SIAH3: variants seen among roughly 807,000 people sequenced by gnomAD.
SIAH3 encodes the protein seven in absentia homolog 3.
In SIAH3, 9 loss-of-function variants were observed where a neutral mutation model predicts 12.6. That is an observed-to-expected ratio of 0.72 (90% CI 0.43 to 1.25). SIAH3 has a LOEUF of 1.25. Among genes scored for constraint, SIAH3 ranks in the 50% most tolerant of loss-of-function variants. The pLI, the probability that SIAH3 is intolerant of heterozygous loss-of-function variation, is 0.00. For missense variants in SIAH3, 390 were observed against 365.4 expected (o/e 1.07, Z -0.55); for synonymous variants, 154 against 151.1 (o/e 1.02, Z -0.14).
At chr13:45,826,751 A>G (rs772945332) in intron 1 of SIAH3, among the ~76,000 whole-genome samples, 27 of 152,122 alleles carry the variant, frequency 1.8e-4, no homozygotes, top group Non-Finnish European at 3.8e-4. Context: ...GTTCAGAAAG[A>G]CCTAAACTCT....
intron 1 of SIAH3, among the ~76,000 whole-genome samples, chr13:45,814,121 C>T (rs1001212628): frequency 6.6e-6 from 1 of 151,640 alleles, no homozygotes; most frequent in Middle Eastern, 3.2e-3. Flanking sequence ...CACCTGTAGT[C>T]CCAGCTACTC....
At chr13:45,849,362 T>C (rs1003237575) in intron 1 of SIAH3, among the ~76,000 whole-genome samples, 2 of 152,230 alleles carry the variant, frequency 1.3e-5, no homozygotes, top group African/African-American at 2.4e-5. Flanking sequence ...TTTATGTTGC[T>C]GATTATACAA....
At chr13:45,809,209 G>A (rs1048391289) in intron 1 of SIAH3, among the ~76,000 whole-genome samples, 2 of 152,226 alleles carry the variant, frequency 1.3e-5, no homozygotes, top group Non-Finnish European at 2.9e-5. Flanking sequence ...TGGGGAGAAT[G>A]CGTGTGTTGG....
intron 1 of SIAH3, among the ~76,000 whole-genome samples, chr13:45,814,128 A>T (rs1010620558): frequency 4.7e-5 from 7 of 150,378 alleles, no homozygotes; most frequent in Non-Finnish European, 1.0e-4. Context: ...AGTCCCAGCT[A>T]CTCGGGAGGC....
intron 1 of SIAH3, among the ~76,000 whole-genome samples, chr13:45,800,438 T>C (rs7986581): frequency 0.38 from 57,413 of 152,064 alleles, 11,477 homozygotes; most frequent in African/African-American, 0.46. Flanking sequence ...CCAGATATTG[T>C]GGATGAAAAG....
intron 1 of SIAH3, among the ~76,000 whole-genome samples, chr13:45,814,258 A>AAAAAAAAAC (rs1950626477): frequency 6.6e-6 from 1 of 151,546 alleles, no homozygotes; most frequent in African/African-American, 2.4e-5. Context: ...AAAAAAAAAA[A>AAAAAAAAAC]AAATACAGTC....
At chr13:45,808,419 A>G (rs1168563281) in intron 1 of SIAH3, among the ~76,000 whole-genome samples, 1 of 152,218 alleles carries the variant, frequency 6.6e-6, no homozygotes, top group Non-Finnish European at 1.5e-5. Flanking sequence ...AACATAAAAG[A>G]AAACATCAAC....
chr13:45,799,743 G>A (rs1218787658), intron 1 of SIAH3, among the ~76,000 whole-genome samples: 2 of 152,310 alleles, frequency 1.3e-5, no homozygotes, highest in East Asian at 3.9e-4. Flanking sequence ...TTATCCCCAT[G>A]TGTATTATCT....
At chr13:45,831,497 CA>C (rs1950699131) in intron 1 of SIAH3, among the ~76,000 whole-genome samples, 1 of 152,176 alleles carries the variant, frequency 6.6e-6, no homozygotes, top group Non-Finnish European at 1.5e-5. Flanking sequence ...TGCATTCACT[CA>C]GTAGATATTT....
intron 1 of SIAH3, among the ~76,000 whole-genome samples, chr13:45,793,025 C>CAA: frequency 6.6e-6 from 1 of 152,302 alleles, no homozygotes; most frequent in Non-Finnish European, 1.5e-5. Context: ...TTTAATTACC[C>CAA]AAAGCCACAT....
At chr13:45,786,518 G>T (rs1175082585) in intron 1 of SIAH3, among the ~76,000 whole-genome samples, 1 of 152,098 alleles carries the variant, frequency 6.6e-6, no homozygotes, top group Non-Finnish European at 1.5e-5. Flanking sequence ...GAGGTCGAAA[G>T]ACTCTAATCT....
chr13:45,835,940 T>C lies in SIAH3; in HGVS notation c.135+15555A>G, dbSNP rs1950716234. Among the ~76,000 whole-genome samples, 3 of 152,244 alleles carry C rather than the reference T, an allele frequency of 2.0e-5. No individual in the cohort carries two copies. The South Asian group carries it at 6.2e-4, about 32-fold the overall frequency. On this transcript the variant is annotated intron_variant, in intron 1 of 1. Coordinates refer to ENST00000400405, the MANE Select transcript of SIAH3 (RefSeq NM_198849.3). ...TAACACGCTTAGTTTTCCCACTTTC[T>C]TGCCTTGTTCTTGCAGTTCTTAGCC...
At chr13:45,792,653 T>TTG (rs1950549846) in intron 1 of SIAH3, among the ~76,000 whole-genome samples, 2 of 151,794 alleles carry the variant, frequency 1.3e-5, no homozygotes, top group South Asian at 4.1e-4. Context: ...CCACTGTGTC[T>TTG]GGCCATGAAG....
intron 1 of SIAH3, among the ~76,000 whole-genome samples, chr13:45,804,807 C>T (rs1237353361): frequency 1.3e-5 from 2 of 151,924 alleles, no homozygotes; most frequent in Non-Finnish European, 2.9e-5. Context: ...TGATTCTATA[C>T]CTAGAAAACC....
At chr13:45,848,183 G>A (rs1045344890) in intron 1 of SIAH3, among the ~76,000 whole-genome samples, 5 of 152,248 alleles carry the variant, frequency 3.3e-5, no homozygotes, top group Non-Finnish European at 7.3e-5. Flanking sequence ...TGAGGAAGCA[G>A]AGGGCAGCTG....
chr13:45,830,297 CCTGTCAGGGGCATGCATGCTGGTGGCA>C (rs1950694211), intron 1 of SIAH3, among the ~76,000 whole-genome samples: 1 of 152,164 alleles, frequency 6.6e-6, no homozygotes, highest in Non-Finnish European at 1.5e-5. Context: ...AGCCTGGATA[CCTGTCAGGGGCATGCATGCTGGTGGCA>C]CTGTGCACTC....
intron 1 of SIAH3, among the ~76,000 whole-genome samples, chr13:45,813,060 C>T (rs1481911075): frequency 6.6e-6 from 1 of 152,224 alleles, no homozygotes; most frequent in Non-Finnish European, 1.5e-5. Context: ...ACTGTTCACA[C>T]TTAGAAGGCG....
chr13:45,783,244 A>T lies in SIAH3; in HGVS notation c.*139T>A, dbSNP rs935001716. The T allele has an allele frequency of 5.8e-6, 3 of 520,386 alleles. No homozygotes were observed. The African/African-American group carries it at 6.0e-5, about 10-fold the overall frequency. The allele number at this position is 520,386 out of a possible 1,614,324, so 32.2% of individuals were successfully genotyped here. On this transcript the variant is annotated 3_prime_UTR_variant, in exon 2 of 2. Coordinates refer to ENST00000400405, the MANE Select transcript of SIAH3 (RefSeq NM_198849.3). ...AACTAAATCTCACAAAGTACCTGAGACAAAAAAATAATAATAATTAAAAAT... is the reference window on the plus strand; with the variant it reads ...AACTAAATCTCACAAAGTACCTGAGTCAAAAAAATAATAATAATTAAAAAT...
At chr13:45,811,252 T>A (rs1950615424) in intron 1 of SIAH3, among the ~76,000 whole-genome samples, 2 of 152,208 alleles carry the variant, frequency 1.3e-5, no homozygotes, top group Admixed American at 6.5e-5. Context: ...ATTCTTCTCC[T>A]TTGAGCTTAG....
Sources: gnomAD v4.1 joint callset for allele counts (sites outside exome capture counted in the v4.1 genomes callset) on GRCh38, gnomAD v4.1.1 for gene constraint, MANE v1.5 for transcripts, NCBI Gene and HGNC (gene_info 2026-07-23, HGNC 2026-07-21) for gene names.